Variants in ADAM10 observed in about 807,000 individuals in gnomAD.
The protein encoded by ADAM10 is ADAM metallopeptidase domain 10.
In ADAM10, 17 loss-of-function variants were observed where a neutral mutation model predicts 90.1. That is an observed-to-expected ratio of 0.19 (90% CI 0.13 to 0.28). The LOEUF (loss-of-function observed/expected upper bound fraction) is 0.28, where lower values mean the gene tolerates loss of function less well. Among genes scored for constraint, ADAM10 ranks in the 10% least tolerant of loss-of-function variants. The probability of loss-of-function intolerance (pLI) is 1.00; values close to 1 mark genes in which losing one functional copy is unlikely to be tolerated. For synonymous variants in ADAM10, 310 were observed against 298.6 expected (o/e 1.04, Z -0.40); for missense variants, 610 against 914.3 (o/e 0.67, Z 4.29).
chr15:58,681,047 G>C (rs1027895344), intron 3 of ADAM10, among the ~76,000 whole-genome samples: 1 of 152,072 alleles, frequency 6.6e-6, no homozygotes, highest in Non-Finnish European at 1.5e-5. Flanking sequence ...CAGGTCTCAA[G>C]CAATCCTCCT....
chr15:58,678,634 T>A (rs1355041358), intron 4 of ADAM10, among the ~76,000 whole-genome samples: 7 of 152,158 alleles, frequency 4.6e-5, no homozygotes, highest in African/African-American at 1.7e-4. Flanking sequence ...AAATCCATGA[T>A]AAACGTGGAC....
Position 58,647,220 on chromosome 15 carries a change from G to T in ADAM10, c.586-1016C>A, listed in dbSNP as rs1896567950. ...ACTGTAATGCTATCACCTAACACAG[G>T]CTTGGCAGCAAAGAGTAGACACTAA... On this transcript the variant is annotated intron_variant, in intron 5 of 15. Coordinates refer to ENST00000260408, the MANE Select transcript of ADAM10 (RefSeq NM_001110.4). Among the ~76,000 whole-genome samples, 4 of 143,028 alleles carry T rather than the reference G, an allele frequency of 2.8e-5. No individual in the cohort carries two copies. In the Admixed American group the frequency reaches 2.9e-4, roughly 11 times the overall value. 93.8% of individuals were successfully genotyped at this position (143,028 alleles called of 152,430 possible).
chr15:58,649,544 A>G (rs761710469), intron 5 of ADAM10, among the ~76,000 whole-genome samples: 1 of 152,158 alleles, frequency 6.6e-6, no homozygotes, highest in South Asian at 2.1e-4. Flanking sequence ...AAATGTGTTA[A>G]TTTTACTTTG....
At chr15:58,641,353 A>T (rs964856565) in intron 7 of ADAM10, among the ~76,000 whole-genome samples, 1 of 152,218 alleles carries the variant, frequency 6.6e-6, no homozygotes, top group Non-Finnish European at 1.5e-5. Flanking sequence ...ACATATGGTG[A>T]CACTTACAAG....
At chr15:58,635,265 ACT>A (rs1291153909) in intron 8 of ADAM10, among the ~76,000 whole-genome samples, 2 of 121,008 alleles carry the variant, frequency 1.7e-5, no homozygotes, top group African/African-American at 3.5e-5. Flanking sequence ...ACAGAGCAAG[ACT>A]CTGTCTCAAA....
chr15:58,737,005 G>A (rs1212565071), intron 1 of ADAM10, among the ~76,000 whole-genome samples: 2 of 151,970 alleles, frequency 1.3e-5, no homozygotes, highest in Non-Finnish European at 2.9e-5. Context: ...TGCAAGAGTG[G>A]CAGAAAAATG....
chr15:58,633,901 TA>T (rs541203863), intron 8 of ADAM10, among the ~76,000 whole-genome samples: 1,682 of 118,070 alleles, frequency 0.014, 22 homozygotes, highest in African/African-American at 0.041. Context: ...TCAAGAAGGT[TA>T]AAAAAAAAAA....
intron 8 of ADAM10, among the ~76,000 whole-genome samples, chr15:58,637,573 T>C (rs1230803768): frequency 6.6e-6 from 1 of 152,200 alleles, no homozygotes; most frequent in Non-Finnish European, 1.5e-5. Flanking sequence ...TATGATTTTA[T>C]AACTCTTCTC....
chr15:58,655,713 A>C (rs1340334871), intron 5 of ADAM10, among the ~76,000 whole-genome samples: 1,614 of 54,016 alleles, frequency 0.03, 106 homozygotes, highest in Non-Finnish European at 0.037. Flanking sequence ...TATATATAGT[A>C]TATATATATA....
At chr15:58,636,578 C>T (rs1057494571) in intron 8 of ADAM10, among the ~76,000 whole-genome samples, 5 of 151,912 alleles carry the variant, frequency 3.3e-5, no homozygotes, top group African/African-American at 1.2e-4. Context: ...AAGGGTGAAA[C>T]GTTTTCAATT....
chr15:58,663,223 T>C (rs1897009923), intron 5 of ADAM10, among the ~76,000 whole-genome samples: 1 of 152,256 alleles, frequency 6.6e-6, no homozygotes, highest in Non-Finnish European at 1.5e-5. Context: ...ATGGACTTCA[T>C]TTACAGCCTG....
rs1244057718 is a variant in ADAM10 at position 58,589,286 on chromosome 15, C to T, written c.*8261G>A. ...CCAGAGTCATGAAAATAGCAAAGAA[C>T]ATGACGACAGTCAACTGCCCCATGG... On this transcript the variant is annotated 3_prime_UTR_variant, in exon 16 of 16. Transcript: ENST00000260408. The T allele has an allele frequency of 2.0e-5, 3 of 152,224 alleles. No homozygotes were observed. Among genetic ancestry groups the T allele is most frequent in the African/African-American group, 7.2e-5 (3 of 41,460 alleles). The allele number at this position is 152,224 out of a possible 1,614,324, so 9.4% of individuals were successfully genotyped here. A position where few individuals can be genotyped will look rare whatever the true frequency, so the allele number is the denominator to read the frequency against.
At chr15:58,605,908 T>C (rs1895258043) in intron 14 of ADAM10, among the ~76,000 whole-genome samples, 1 of 152,008 alleles carries the variant, frequency 6.6e-6, no homozygotes, top group Non-Finnish European at 1.5e-5. Context: ...AATCTAAATA[T>C]AAACAAAAAG....
chr15:58,731,916 T>G (rs1338490386), intron 1 of ADAM10, among the ~76,000 whole-genome samples: 3 of 152,152 alleles, frequency 2.0e-5, no homozygotes, highest in African/African-American at 7.2e-5. Flanking sequence ...ATGTGAGTCA[T>G]GGGGTGGAGA....
At chr15:58,692,077 AC>A (rs768304764) in intron 2 of ADAM10, 1 of 476,570 alleles carries the variant, frequency 2.1e-6, no homozygotes, top group East Asian at 6.2e-5. Context: ...AGTCAACCAT[AC>A]CACGGACAAA....
chr15:58,685,494 A>AC lies in ADAM10; in HGVS notation c.207-3181_207-3180insG, dbSNP rs1226597173. On this transcript the variant is annotated intron_variant, in intron 2 of 15. Coordinates refer to ENST00000260408, the MANE Select transcript of ADAM10 (RefSeq NM_001110.4). ...ATAAATAAATAAATAAATAAGATACAAAAAAGAATATAGTACGTTACCTTT... is the reference window on the plus strand; with the variant it reads ...ATAAATAAATAAATAAATAAGATACACAAAAAGAATATAGTACGTTACCTTT... 5.6e-3 allele frequency among the ~76,000 whole-genome samples: 586 copies of AC among 105,414 alleles called. 9 individuals are homozygous for AC. The highest frequency in any genetic ancestry group is 0.029 in the African/African-American group (555 of 19,254). The allele number at this position is 105,414 out of a possible 152,430, so 69.2% of individuals were successfully genotyped here.
intron 14 of ADAM10, among the ~76,000 whole-genome samples, chr15:58,606,609 A>G (rs773150023): frequency 2.0e-5 from 3 of 152,230 alleles, no homozygotes; most frequent in Non-Finnish European, 2.9e-5. Context: ...CAATGAAACC[A>G]CCTTCTATTT....
chr15:58,693,177 A>G, intron 2 of ADAM10: 1 of 719,810 alleles, frequency 1.4e-6, no homozygotes, highest in Non-Finnish European at 2.6e-6. Context: ...CCCCTTCTCC[A>G]TGGTACACCT....
In ADAM10 at chr15:58,592,921, A is replaced by T. The variant is rs1404222476; in HGVS notation, c.*4626T>A. 6.6e-6 allele frequency: 1 copy of T among 150,794 alleles called. No homozygotes were observed. The highest frequency in any genetic ancestry group is 6.6e-5 in the Admixed American group (1 of 15,162). 9.3% of individuals were successfully genotyped at this position (150,794 alleles called of 1,614,324 possible). On this transcript the variant is annotated 3_prime_UTR_variant, in exon 16 of 16. Transcript: ENST00000260408. ...TGAGGATTTTCCTAAGAATTGTTTA[A>T]AATTCTTTAGAATTGTTTAAAATAA...
Sources: allele counts gnomAD v4.1 joint callset (sites outside exome capture counted in the v4.1 genomes callset), GRCh38; gene constraint gnomAD v4.1.1; transcripts MANE v1.5; gene names NCBI Gene and HGNC (gene_info 2026-07-23, HGNC 2026-07-21).